Variants in CHRM3 observed in about 807,000 individuals in gnomAD.
The protein encoded by CHRM3 is cholinergic receptor muscarinic 3, also known as muscarinic acetylcholine receptor M3.
CHRM3 carries 11 observed loss-of-function variants against 41.8 expected under a neutral mutation model. That is an observed-to-expected ratio of 0.26 (90% CI 0.17 to 0.44). CHRM3 has a LOEUF of 0.44. CHRM3 is among the 20% of genes least tolerant of loss of function. The pLI is 1.00. For missense variants in CHRM3, 571 were observed against 745.4 expected (o/e 0.77, Z 2.72); for synonymous variants, 297 against 301.4 (o/e 0.99, Z 0.15).
At chr1:239,516,420 C>G (rs1274930370) in intron 2 of CHRM3, among the ~76,000 whole-genome samples, 2 of 152,206 alleles carry the variant, frequency 1.3e-5, no homozygotes, top group Non-Finnish European at 2.9e-5. Flanking sequence ...AGGTGTTTAG[C>G]ACATGAGATA....
At chr1:239,467,117 C>T (rs746288181) in intron 1 of CHRM3, among the ~76,000 whole-genome samples, 1 of 152,070 alleles carries the variant, frequency 6.6e-6, no homozygotes, top group South Asian at 2.1e-4. Flanking sequence ...TCTTCAATAT[C>T]GTACACTTAG....
Position 239,851,923 on chromosome 1 carries a change from T to A in CHRM3, c.-20+24545T>A, listed in dbSNP as rs147337017. ...CCAGCATCATCGCCCAGGAGCTTATTAGAGGTGAAGACTCTCAAGTCCCAA... is the reference window on the plus strand; with the variant it reads ...CCAGCATCATCGCCCAGGAGCTTATAAGAGGTGAAGACTCTCAAGTCCCAA... On this transcript the variant is annotated intron_variant, in intron 6 of 6. Transcript: ENST00000676153. Among the ~76,000 whole-genome samples, 389 of 152,238 alleles carry A rather than the reference T, an allele frequency of 2.6e-3. 2 individuals carry two copies. Among genetic ancestry groups the A allele is most frequent in the African/African-American group, 8.4e-3 (350 of 41,546 alleles).
In CHRM3 at chr1:239,647,181, A is replaced by G. The variant is rs140159391; in HGVS notation, c.-250+14895A>G. Among the ~76,000 whole-genome samples the G allele has an allele frequency of 7.2e-4, 109 of 152,228 alleles. 1 individual carries two copies. In the Middle Eastern group the frequency reaches 0.01, roughly 14 times the overall value. On this transcript the variant is annotated intron_variant, in intron 4 of 6. Transcript: ENST00000676153. ...TCACCTACCTTCTCTTCCTCTCACCATCCGTGACCCCATTTATCCAATTCA... is the reference window on the plus strand; with the variant it reads ...TCACCTACCTTCTCTTCCTCTCACCGTCCGTGACCCCATTTATCCAATTCA...
chr1:239,468,836 C>T (rs1239862566), intron 1 of CHRM3, among the ~76,000 whole-genome samples: 1 of 152,192 alleles, frequency 6.6e-6, no homozygotes, highest in Non-Finnish European at 1.5e-5. Context: ...GTCCACTCTC[C>T]TAGCCAAATT....
chr1:239,707,335 A>T (rs1367739316), intron 5 of CHRM3: 1 of 152,216 alleles, frequency 6.6e-6, no homozygotes, highest in African/African-American at 2.4e-5. Flanking sequence ...TCTAAAAAAA[A>T]ATTAGCTGCA....
At chr1:239,710,647 A>G (rs1661677303) in intron 5 of CHRM3, among the ~76,000 whole-genome samples, 1 of 152,166 alleles carries the variant, frequency 6.6e-6, no homozygotes, top group Admixed American at 6.5e-5. Flanking sequence ...ACCAGGTATC[A>G]GACAGAGAAT....
At chr1:239,650,136 G>A (rs1441261800) in intron 4 of CHRM3, among the ~76,000 whole-genome samples, 5 of 152,178 alleles carry the variant, frequency 3.3e-5, no homozygotes, top group African/African-American at 1.2e-4. Flanking sequence ...TTGGCTCTCA[G>A]CTCTGTCAGT....
intron 6 of CHRM3, among the ~76,000 whole-genome samples, chr1:239,856,577 A>G (rs1482968078): frequency 6.6e-6 from 1 of 152,100 alleles, no homozygotes; most frequent in Non-Finnish European, 1.5e-5. Context: ...TCTTTTCTCT[A>G]TAAATTACCC....
At chr1:239,465,424 G>C (rs1665652653) in intron 1 of CHRM3, among the ~76,000 whole-genome samples, 1 of 152,232 alleles carries the variant, frequency 6.6e-6, no homozygotes, top group Admixed American at 6.5e-5. Context: ...TAGGACTAAA[G>C]AGTCTTGAAT....
At chr1:239,409,877 G>C (rs1462137673) in intron 1 of CHRM3, among the ~76,000 whole-genome samples, 1 of 152,162 alleles carries the variant, frequency 6.6e-6, no homozygotes, top group East Asian at 1.9e-4. Flanking sequence ...GGAGGCGGAG[G>C]TTGCAGTGAG....
intron 5 of CHRM3, among the ~76,000 whole-genome samples, chr1:239,690,511 A>G (rs1571996709): frequency 6.6e-6 from 1 of 152,010 alleles, no homozygotes; most frequent in Non-Finnish European, 1.5e-5. Flanking sequence ...TTACAGGTGT[A>G]AGCCACTGCA....
chr1:239,703,786 G>A (rs1186765871), intron 5 of CHRM3: 1 of 152,068 alleles, frequency 6.6e-6, no homozygotes, highest in African/African-American at 2.4e-5. Flanking sequence ...AGACATAAAG[G>A]CAAATAGAAT....
At chr1:239,742,881 T>C (rs12062155) in intron 5 of CHRM3, among the ~76,000 whole-genome samples, 6,330 of 152,302 alleles carry the variant, frequency 0.042, 214 homozygotes, top group African/African-American at 0.079. Context: ...AAAATATTTC[T>C]GTTTTCCATT....
intron 5 of CHRM3, among the ~76,000 whole-genome samples, chr1:239,821,965 C>T (rs115049970): frequency 0.028 from 4,296 of 152,178 alleles, 203 homozygotes; most frequent in African/African-American, 0.098. Context: ...CTACGTCCTG[C>T]CACCCTGTGA....
rs1310002126 is a variant in CHRM3, at chr1:239,910,198, A to C, written c.*974A>C. On this transcript the variant is annotated 3_prime_UTR_variant, in exon 7 of 7. Coordinates refer to ENST00000676153, the MANE Select transcript of CHRM3 (RefSeq NM_001375978.1). ...AGCTCAAAGAATGAACCACATCCAC[A>C]CGTTTGAATTTAATCATCTAAATCT... The C allele has an allele frequency of 6.0e-6, 1 of 166,958 alleles. No individual in the cohort carries two copies. The highest frequency in any genetic ancestry group is 1.5e-5 in the Non-Finnish European group (1 of 68,106). 10.3% of individuals were successfully genotyped at this position (166,958 alleles called of 1,614,324 possible). A position where few individuals can be genotyped will look rare whatever the true frequency, so the allele number is the denominator to read the frequency against.
At chr1:239,725,333 A>G (rs113765520) in intron 5 of CHRM3, among the ~76,000 whole-genome samples, 20 of 151,946 alleles carry the variant, frequency 1.3e-4, no homozygotes, top group Admixed American at 3.3e-4. Flanking sequence ...TATGTTATCA[A>G]TGAGTAAACA....
intron 6 of CHRM3, among the ~76,000 whole-genome samples, chr1:239,874,291 A>ATATATATCTATATATCTATATACACAG (rs1676869761): frequency 5.9e-5 from 4 of 67,416 alleles, no homozygotes; most frequent in Admixed American, 1.6e-4. Context: ...CACAGTATAT[A>ATATATATCTATATATCTATATACACAG]TATATATATA....
chr1:239,440,450 C>A (rs2103247961), intron 1 of CHRM3, among the ~76,000 whole-genome samples: 1 of 152,200 alleles, frequency 6.6e-6, no homozygotes, highest in Non-Finnish European at 1.5e-5. Flanking sequence ...TAGTAAGACC[C>A]TGCTGCTAAA....
chr1:239,801,398 A>G (rs1416377255), intron 5 of CHRM3, among the ~76,000 whole-genome samples: 1 of 152,188 alleles, frequency 6.6e-6, no homozygotes, highest in Admixed American at 6.5e-5. Context: ...ACTGTTTTCC[A>G]TAAAGTAGCT....
Sources: allele counts gnomAD v4.1 joint callset (sites outside exome capture counted in the v4.1 genomes callset), GRCh38; gene constraint gnomAD v4.1.1; transcripts MANE v1.5; gene names NCBI Gene and HGNC (gene_info 2026-07-23, HGNC 2026-07-21).